MRPS11: variants seen among roughly 807,000 people sequenced by gnomAD.
MRPS11 encodes the protein small ribosomal subunit protein uS11m.
MRPS11 carries 27 observed loss-of-function variants against 24.3 expected under a neutral mutation model. The ratio of observed to expected loss-of-function variants is 1.11; its 90% CI spans 0.82 to 1.53. MRPS11 has a LOEUF of 1.53. Among genes scored for constraint, MRPS11 ranks in the 40% most tolerant of loss-of-function variants. The probability of loss-of-function intolerance (pLI) is 0.00; values close to 1 mark genes in which losing one functional copy is unlikely to be tolerated. For missense variants in MRPS11, 277 were observed against 256.5 expected, an observed-to-expected ratio of 1.08 and a Z score of -0.55; for synonymous variants, 104 against 98.7, an observed-to-expected ratio of 1.05 and a Z score of -0.32.
chr15:88,476,690 TG>T (rs2055829530), intron 4 of MRPS11: 1 of 321,710 alleles, frequency 3.1e-6, no homozygotes, highest in African/African-American at 2.1e-5. Context: ...CCTCATGGTC[TG>T]AAATTCTGCA....
chr15:88,468,390 C>T (rs1298470471), intron 2 of MRPS11: 6 of 1,108,438 alleles, frequency 5.4e-6, no homozygotes, highest in East Asian at 6.4e-5. Context: ...AGCGATGGAA[C>T]AGATGTTCCT....
chr15:88,473,948 G>GAGGCCA (rs1442625809), intron 3 of MRPS11, among the ~76,000 whole-genome samples: 12 of 152,208 alleles, frequency 7.9e-5, no homozygotes, highest in East Asian at 5.8e-4. Context: ...CCAGCACTTT[G>GAGGCCA]GGAGGATCAC....
rs957484731 is a variant in MRPS11, at chr15:88,477,780, C to T, written c.478-92C>T. On this transcript the variant is annotated intron_variant, in intron 5 of 5. Coordinates refer to ENST00000325844, the MANE Select transcript of MRPS11 (RefSeq NM_022839.5). The surrounding 1 kb of genome is among the most constrained non-coding windows in gnomAD (Gnocchi z 5.7). ...TCTCACCCCTCCGTTCCCTTCTCTA[C>T]GCCACCCTGTCCCTCTCCGAACCCT... The T allele has an allele frequency of 4.7e-5, 51 of 1,090,894 alleles. No homozygotes were observed. Among genetic ancestry groups the T allele is most frequent in the Admixed American group, 2.7e-4 (14 of 52,146 alleles). 67.6% of individuals were successfully genotyped at this position (1,090,894 alleles called of 1,614,324 possible). A position where few individuals can be genotyped will look rare whatever the true frequency, so the allele number is the denominator to read the frequency against.
intron 2 of MRPS11, among the ~76,000 whole-genome samples, chr15:88,471,194 C>G (rs145005465): frequency 1.1e-4 from 17 of 152,274 alleles, no homozygotes; most frequent in Non-Finnish European, 4.4e-5. Context: ...AAAGAGTCAT[C>G]TAGGAGAATG....
Position 88,480,564 on chromosome 15 carries a change from C to A in MRPS11, c.*2585C>A, listed in dbSNP as rs968282466. 1 of 152,188 alleles carries A rather than the reference C, an allele frequency of 6.6e-6. No homozygotes were observed. The highest frequency in any genetic ancestry group is 2.4e-5 in the African/African-American group (1 of 41,426). The allele number at this position is 152,188 out of a possible 1,614,324, so 9.4% of individuals were successfully genotyped here. Reference sequence around the variant, plus strand: ...CTTTGGAAAGGAAGATCCTGCCCAGCAGAGCCTACATGCGCAGACAGGACA... The same window carrying A: ...CTTTGGAAAGGAAGATCCTGCCCAGAAGAGCCTACATGCGCAGACAGGACA... On this transcript the variant is annotated 3_prime_UTR_variant, in exon 6 of 6. Coordinates refer to ENST00000325844, the MANE Select transcript of MRPS11 (RefSeq NM_022839.5). This position sits in a 1 kb window ranked among gnomAD's most constrained non-coding sequence, Gnocchi z 5.1.
At chr15:88,476,944 C>T (rs2055834034) in intron 4 of MRPS11, 45 bp from the exon 5 acceptor site, 6 of 1,589,080 alleles carry the variant, frequency 3.8e-6, no homozygotes, top group South Asian at 1.1e-5. Context: ...GATTTGGATG[C>T]AGTAGTTCTC....
rs923869657 is a variant in MRPS11, at chr15:88,469,624, A to G, written c.182+1600A>G. Among the ~76,000 whole-genome samples, 2 of 152,206 alleles carry G rather than the reference A, an allele frequency of 1.3e-5. No individual in the cohort carries two copies. Among genetic ancestry groups the G allele is most frequent in the African/African-American group, 4.8e-5 (2 of 41,456 alleles). On this transcript the variant is annotated intron_variant, in intron 2 of 5. Coordinates refer to ENST00000325844, the MANE Select transcript of MRPS11 (RefSeq NM_022839.5). This position sits in a 1 kb window ranked among gnomAD's most constrained non-coding sequence, Gnocchi z 4.4. ...ATGGAAATTGCTGAATAAAGGGTTG[A>G]CATGATCTTGCTGACAAGATCTTGT...
At chr15:88,472,409 C>G (rs1324767734) in intron 2 of MRPS11, 1 of 488,030 alleles carries the variant, frequency 2.0e-6, no homozygotes, top group Non-Finnish European at 3.7e-6. Flanking sequence ...CGGAAAGTCC[C>G]CAGATGTGTC....
intron 3 of MRPS11, 35 bp downstream of exon 3, chr15:88,472,760 G>T (rs111430387): frequency 6.5e-7 from 1 of 1,541,084 alleles, no homozygotes; most frequent in Non-Finnish European, 9.0e-7. Context: ...CAGGTCTAGC[G>T]TGAGATTCTT....
rs1273859460 is a variant in MRPS11, at chr15:88,478,519, C to G, written c.*540C>G. On this transcript the variant is annotated 3_prime_UTR_variant, in exon 6 of 6. Coordinates refer to ENST00000325844, the MANE Select transcript of MRPS11 (RefSeq NM_022839.5). This position sits in a 1 kb window ranked among gnomAD's most constrained non-coding sequence, Gnocchi z 4.7. ...GCTTTTTGCCACCTACCTCTGGATT[C>G]TGATGGATTTCGCCATTATGGGCAT... The G allele has an allele frequency of 1.3e-5, 2 of 156,138 alleles. No individual in the cohort carries two copies. The highest frequency in any genetic ancestry group is 2.4e-5 in the African/African-American group (1 of 41,460). The allele number at this position is 156,138 out of a possible 1,614,324, so 9.7% of individuals were successfully genotyped here.
chr15:88,468,382 C>G (rs1165061813), intron 2 of MRPS11: 1 of 1,112,150 alleles, frequency 9.0e-7, no homozygotes, highest in East Asian at 6.4e-5. Flanking sequence ...AGGGCGCTAG[C>G]GATGGAACAG....
In MRPS11 at chr15:88,477,688, G is replaced by A. The variant is rs1480404495; in HGVS notation, c.478-184G>A. Among the ~76,000 whole-genome samples the A allele has an allele frequency of 6.6e-6, 1 of 152,146 alleles. No individual in the cohort carries two copies. The highest frequency in any genetic ancestry group is 1.5e-5 in the Non-Finnish European group (1 of 68,020). ...GAACAGTGTGAAAACCTGGTTAAAG[G>A]GTTTGGGTGGAGACCTTTGTGAGAG... On this transcript the variant is annotated intron_variant, in intron 5 of 5. Coordinates refer to ENST00000325844, the MANE Select transcript of MRPS11 (RefSeq NM_022839.5). The surrounding 1 kb of genome is among the most constrained non-coding windows in gnomAD (Gnocchi z 5.7).
At chr15:88,468,051 G>T in intron 2 of MRPS11, 27 bp downstream of exon 2, 2 of 1,581,812 alleles carry the variant, frequency 1.3e-6, no homozygotes, top group South Asian at 2.3e-5. Context: ...CCAGCCCTCT[G>T]GAGACCCGCA....
At position 88,469,540 on chromosome 15, in the gene MRPS11, A is replaced by G. The variant is rs1439154054; in HGVS notation, c.182+1516A>G. Reference sequence around the variant, plus strand: ...GCAGGCCTGCATAGCCACATTCTGTAGGACTTTGTAGGCCGTTGTGAGGAC... The same window carrying G: ...GCAGGCCTGCATAGCCACATTCTGTGGGACTTTGTAGGCCGTTGTGAGGAC... On this transcript the variant is annotated intron_variant, in intron 2 of 5. Transcript: ENST00000325844. This position sits in a 1 kb window ranked among gnomAD's most constrained non-coding sequence, Gnocchi z 4.4. Among the ~76,000 whole-genome samples the G allele has an allele frequency of 1.3e-5, 2 of 152,216 alleles. No homozygotes were observed. Among genetic ancestry groups the G allele is most frequent in the Admixed American group, 6.5e-5 (1 of 15,288 alleles).
At chr15:88,473,202 C>T (rs1418896354) in intron 3 of MRPS11, among the ~76,000 whole-genome samples, 2 of 152,198 alleles carry the variant, frequency 1.3e-5, no homozygotes, top group Non-Finnish European at 2.9e-5. Flanking sequence ...GTGCACTGGC[C>T]TCCACCTTGT....
rs1326622020 is a variant in MRPS11, at chr15:88,467,772, C to T, written c.55C>T (p.Gln19Ter). 13 of 1,614,008 alleles carry T rather than the reference C, an allele frequency of 8.1e-6. No homozygotes were observed. In the African/African-American group the frequency reaches 1.7e-4, roughly 22 times the overall value. Residue 19 changes from glutamine (Q) to a stop codon, truncating the protein, a stop_gained, in exon 1 of 6, where the codon CAG becomes TAG. Coordinates refer to ENST00000325844, the MANE Select transcript of MRPS11 (RefSeq NM_022839.5). LOFTEE classifies it high-confidence loss of function. ...GTTCCTGCGGTCCTGGACTTGGCCC[C>T]AGACAGCCGGGTAACAAATGACTGC... ...SRFLRSWTWP[Q>*]TAGRVVARTP...
rs779197417 is a variant in MRPS11 at position 88,467,958 on chromosome 15, A to G, written c.116A>G (p.Gln39Arg). ...PAGTICTGARQLQDAAAKQKV... is the reference protein window; with the variant it reads ...PAGTICTGARRLQDAAAKQKV... ...GGGACCATCTGCACAGGCGCTCGAC[A>G]GCTCCAAGACGCTGCGGCCAAGCAG... The change falls in exon 2 of 6, where the codon CAG becomes CGG. Residue 39 changes from glutamine (Q) to arginine (R), a missense_variant. By Grantham distance (43) the Gln-to-Arg change is conservative (BLOSUM62 1). Coordinates refer to ENST00000325844, the MANE Select transcript of MRPS11 (RefSeq NM_022839.5). 1.4e-5 allele frequency: 22 copies of G among 1,613,052 alleles called. No homozygotes were observed. The highest frequency in any genetic ancestry group is 1.7e-5 in the Non-Finnish European group (20 of 1,179,872).
At chr15:88,472,764 G>A (rs1416326222) in intron 3 of MRPS11, 39 bp downstream of exon 3, 1 of 1,524,720 alleles carries the variant, frequency 6.6e-7, no homozygotes, top group African/African-American at 1.4e-5. Context: ...TCTAGCGTGA[G>A]ATTCTTTCCA....
chr15:88,476,430 T>C (rs548250304), intron 4 of MRPS11, among the ~76,000 whole-genome samples: 1 of 152,350 alleles, frequency 6.6e-6, no homozygotes, highest in African/African-American at 2.4e-5. Flanking sequence ...TTGCATGTAC[T>C]ATCATCAGAA....
Sources: gnomAD v4.1 joint callset for allele counts (sites outside exome capture counted in the v4.1 genomes callset) on GRCh38, gnomAD v4.1.1 for gene constraint, Gnocchi (gnomAD v3.1) non-coding constraint, MANE v1.5 for transcripts, NCBI Gene and HGNC (gene_info 2026-07-23, HGNC 2026-07-21) for gene names.